The following CPNE8 variants were observed in gnomAD, a reference collection of about 807,000 sequenced individuals.
CPNE8 encodes copine-8.
A neutral mutation model predicts 81.5 loss-of-function variants in CPNE8; 45 were observed. That is an observed-to-expected ratio of 0.55 (90% confidence interval 0.44 to 0.71). The LOEUF is 0.71. CPNE8 is among the 30% of genes least tolerant of loss of function. The probability of loss-of-function intolerance (pLI) is 0.00; values close to 1 mark genes in which losing one functional copy is unlikely to be tolerated. For synonymous variants in CPNE8, 252 were observed against 226.3 expected, an observed-to-expected ratio of 1.11 and a Z score of -1.02; for missense variants, 594 against 672.1, an observed-to-expected ratio of 0.88 and a Z score of 1.28.
intron 19 of CPNE8, among the ~76,000 whole-genome samples, chr12:38,655,151 G>A (rs1938789311): frequency 6.6e-6 from 1 of 152,044 alleles, no homozygotes. Context: ...AGTAATTTGT[G>A]GTTTTTCAAT....
intron 6 of CPNE8, among the ~76,000 whole-genome samples, chr12:38,799,356 A>G (rs1942595006): frequency 6.6e-6 from 1 of 152,214 alleles, no homozygotes; most frequent in Non-Finnish European, 1.5e-5. Flanking sequence ...CTCTCAGACC[A>G]CAGTGCAATC....
intron 6 of CPNE8, among the ~76,000 whole-genome samples, chr12:38,785,827 T>C (rs1649965678): frequency 6.6e-6 from 1 of 152,086 alleles, no homozygotes; most frequent in Non-Finnish European, 1.5e-5. Flanking sequence ...GCAAACAGTG[T>C]TAAGTTGTTA....
intron 6 of CPNE8, among the ~76,000 whole-genome samples, chr12:38,797,115 G>C: frequency 6.6e-6 from 1 of 152,160 alleles, no homozygotes; most frequent in East Asian, 1.9e-4. Context: ...ACCTCTGGGG[G>C]CAGGGCACAG....
chr12:38,708,536 A>G (rs1170282992), intron 13 of CPNE8, among the ~76,000 whole-genome samples: 1 of 152,232 alleles, frequency 6.6e-6, no homozygotes, highest in African/African-American at 2.4e-5. Context: ...AAATCCAGTT[A>G]GCAGCATTAT....
intron 6 of CPNE8, among the ~76,000 whole-genome samples, chr12:38,779,895 A>G (rs1423517162): frequency 3.3e-5 from 5 of 152,130 alleles, no homozygotes; most frequent in Non-Finnish European, 7.4e-5. Context: ...GGAAATGGAC[A>G]TATGGATAAC....
chr12:38,689,072 A>C (rs1456938224), intron 15 of CPNE8, among the ~76,000 whole-genome samples: 2 of 152,264 alleles, frequency 1.3e-5, no homozygotes, highest in Non-Finnish European at 2.9e-5. Context: ...GTTCTGACAC[A>C]AAAGTAAAAC....
intron 11 of CPNE8, among the ~76,000 whole-genome samples, chr12:38,728,231 T>TCGGTTGAGG (rs2136758078): frequency 6.6e-6 from 1 of 152,288 alleles, no homozygotes; most frequent in Admixed American, 6.5e-5. Flanking sequence ...AAGAAAGAAG[T>TCGGTTGAGG]CGACAGAAAT....
intron 18 of CPNE8, 141 bp from the exon 19 acceptor site, chr12:38,670,943 C>A: frequency 1.8e-6 from 1 of 553,368 alleles, no homozygotes; most frequent in Non-Finnish European, 3.1e-6. Flanking sequence ...TTCATGTCTT[C>A]ATTCATTTCT....
At chr12:38,838,180 A>G (rs1943416522) in intron 5 of CPNE8, among the ~76,000 whole-genome samples, 1 of 152,188 alleles carries the variant, frequency 6.6e-6, no homozygotes, top group African/African-American at 2.4e-5. Context: ...AGTTTGAACT[A>G]AGAAACACAG....
At chr12:38,796,210 T>C (rs1942468088) in intron 6 of CPNE8, among the ~76,000 whole-genome samples, 1 of 151,988 alleles carries the variant, frequency 6.6e-6, no homozygotes, top group African/African-American at 2.4e-5. Context: ...GCACTTGAAC[T>C]TGGGAGGCAG....
intron 13 of CPNE8, chr12:38,720,598 A>C (rs1248745667): frequency 1.0e-4 from 1 of 10,036 alleles, no homozygotes; most frequent in East Asian, 9.1e-3. Context: ...CAGATATATC[A>C]AGTAATTTTT....
intron 3 of CPNE8, among the ~76,000 whole-genome samples, chr12:38,872,748 C>T (rs112472698): frequency 6.6e-6 from 1 of 152,092 alleles, no homozygotes; most frequent in Non-Finnish European, 1.5e-5. Flanking sequence ...AAATAGATTG[C>T]AACACATTAA....
chr12:38,873,196 T>C, intron 2 of CPNE8, 146 bp from the exon 3 acceptor site: 1 of 563,766 alleles, frequency 1.8e-6, no homozygotes, highest in Non-Finnish European at 3.1e-6. Flanking sequence ...AAAAAAAGGC[T>C]AGTAAATCAT....
At chr12:38,659,638 G>C (rs1412616753) in intron 19 of CPNE8, among the ~76,000 whole-genome samples, 1 of 152,092 alleles carries the variant, frequency 6.6e-6, no homozygotes, top group Non-Finnish European at 1.5e-5. Flanking sequence ...ATTGACCACA[G>C]AGTTGGAAGT....
At chr12:38,751,695 T>TA (rs5797593) in intron 10 of CPNE8, among the ~76,000 whole-genome samples, 14,767 of 152,094 alleles carry the variant, frequency 0.097, 929 homozygotes, top group East Asian at 0.24. Context: ...GCACTGGAGA[T>TA]AAAAAAATAT....
chr12:38,854,473 A>C lies in CPNE8; in HGVS notation c.187-5811T>G, dbSNP rs147547598. Among the ~76,000 whole-genome samples the C allele has an allele frequency of 3.0e-4, 40 of 134,670 alleles. 1 individual carries two copies. The highest frequency in any genetic ancestry group is 5.6e-4 in the Non-Finnish European group (36 of 64,386). The allele number at this position is 134,670 out of a possible 152,430, so 88.3% of individuals were successfully genotyped here. A position where few individuals can be genotyped will look rare whatever the true frequency, so the allele number is the denominator to read the frequency against. On this transcript the variant is annotated intron_variant, in intron 3 of 19. Coordinates refer to ENST00000331366, the MANE Select transcript of CPNE8 (RefSeq NM_153634.3). ...AAGCCAGACAAAAACATTATAAGAA[A>C]AGAAAACTAAAGGCAGCTATCTTTG...
intron 6 of CPNE8, among the ~76,000 whole-genome samples, chr12:38,796,970 G>T (rs532205267): frequency 2.0e-5 from 3 of 152,192 alleles, no homozygotes; most frequent in Non-Finnish European, 4.4e-5. Context: ...AGATCAAACT[G>T]CAAGGCGGCA....
rs201465538 is a variant in CPNE8 at position 38,796,310 on chromosome 12, AT to A, written c.408-20010del. ...TCAAAAAATTAAAAACAAAAAAAAA[AT>A]CTTGAACTCAAAAGGAAAAGACAAA... On this transcript the variant is annotated intron_variant, in intron 6 of 19. Coordinates refer to ENST00000331366, the MANE Select transcript of CPNE8 (RefSeq NM_153634.3). Among the ~76,000 whole-genome samples the A allele has an allele frequency of 5.7e-3, 870 of 152,198 alleles. 15 individuals carry two copies. Among genetic ancestry groups the A allele is most frequent in the African/African-American group, 0.019 (786 of 41,520 alleles).
At chr12:38,864,831 G>A (rs937345236) in intron 3 of CPNE8, among the ~76,000 whole-genome samples, 2 of 152,140 alleles carry the variant, frequency 1.3e-5, no homozygotes, top group Non-Finnish European at 2.9e-5. Flanking sequence ...TAAAGGATAT[G>A]TTATGATTAT....
Sources: allele counts gnomAD v4.1 joint callset (sites outside exome capture counted in the v4.1 genomes callset), GRCh38; gene constraint gnomAD v4.1.1; transcripts MANE v1.5; gene names NCBI Gene and HGNC (gene_info 2026-07-23, HGNC 2026-07-21).